ANKS3: variants seen among roughly 807,000 people sequenced by gnomAD.
ANKS3 encodes ankyrin repeat and sterile alpha motif domain containing 3.
In ANKS3, 62 loss-of-function variants were observed where a neutral mutation model predicts 80.7. The observed-to-expected ratio is 0.77, with a 90% CI of 0.63 to 0.95. The LOEUF (loss-of-function observed/expected upper bound fraction) is 0.95, where lower values mean the gene tolerates loss of function less well. ANKS3 is among the 40% of genes least tolerant of loss of function. The pLI, the probability that ANKS3 is intolerant of heterozygous loss-of-function variation, is 0.00. For missense variants in ANKS3, 1,150 were observed against 883.6 expected (o/e 1.30, Z -3.82); for synonymous variants, 489 against 355.3 (o/e 1.38, Z -4.23).
rs563316533 is a variant in ANKS3, at chr16:4,712,265, G to A, written c.709+1786C>T. Among the ~76,000 whole-genome samples the A allele has an allele frequency of 1.4e-4, 22 of 152,114 alleles. 1 individual carries two copies. In the South Asian group the frequency reaches 4.4e-3, roughly 30 times the overall value. On this transcript the variant is annotated intron_variant, in intron 7 of 17. Coordinates refer to ENST00000304283, the MANE Select transcript of ANKS3 (RefSeq NM_133450.4). ...GCACGCCTGTGATCCCAGCTACTCG[G>A]GAGGCTGAGGCAGAAGAATTGCTTG... is the stretch of plus-strand genomic sequence containing the variant.
intron 8 of ANKS3, among the ~76,000 whole-genome samples, chr16:4,702,655 T>C (rs751921817): frequency 6.6e-6 from 1 of 152,120 alleles, no homozygotes; most frequent in East Asian, 1.9e-4. Context: ...CACAGGCGCT[T>C]AGCGGGCCTC....
At chr16:4,721,273 C>G (rs1325630957) in intron 6 of ANKS3, among the ~76,000 whole-genome samples, 2 of 145,812 alleles carry the variant, frequency 1.4e-5, no homozygotes, top group African/African-American at 2.5e-5. Context: ...CCACTGCACT[C>G]TAGCCTGGGC....
intron 11 of ANKS3, 157 bp from the exon 12 acceptor site, chr16:4,699,333 G>A (rs767098892): frequency 9.7e-7 from 1 of 1,031,964 alleles, no homozygotes; most frequent in Non-Finnish European, 1.4e-6. Context: ...TGGTGGCTCA[G>A]GCAGGGCAGG....
intron 7 of ANKS3, among the ~76,000 whole-genome samples, chr16:4,707,838 C>G (rs904755272): frequency 2.0e-5 from 3 of 151,932 alleles, no homozygotes; most frequent in African/African-American, 7.2e-5. Flanking sequence ...GGGCCGGGCG[C>G]GGTGGCTCAC....
intron 9 of ANKS3, 83 bp downstream of exon 9, chr16:4,702,019 G>T: frequency 6.8e-7 from 1 of 1,462,382 alleles, no homozygotes; most frequent in Non-Finnish European, 9.1e-7. Flanking sequence ...CCAGCGCCAG[G>T]CCCAGGGGAT....
rs1283608424 is a variant in ANKS3, at chr16:4,701,417, A to G, written c.1119+17T>C. On this transcript the variant is annotated intron_variant, in intron 10 of 17. Transcript: ENST00000304283. ...CAGGGACCGGCTATGGGAGACCAAG[A>G]AAGAAAGAATCCGTACCTCGTTGCT... 9 of 1,580,000 alleles carry G rather than the reference A, an allele frequency of 5.7e-6. No individual in the cohort carries two copies. The highest frequency in any genetic ancestry group is 6.0e-6 in the Non-Finnish European group (7 of 1,160,298).
At chr16:4,702,075 G>T in intron 9 of ANKS3, 27 bp downstream of exon 9, 1 of 1,549,288 alleles carries the variant, frequency 6.5e-7, no homozygotes. Context: ...CCTGAGCCAC[G>T]GGCCGGATGG....
At chr16:4,699,490 C>T (rs1346593507) in intron 11 of ANKS3, 6 of 362,234 alleles carry the variant, frequency 1.7e-5, no homozygotes, top group African/African-American at 4.1e-5. Flanking sequence ...GCTTTGTAGG[C>T]GGAGAGCGCT....
chr16:4,715,542 G>A (rs2080750926), intron 6 of ANKS3, among the ~76,000 whole-genome samples: 1 of 152,176 alleles, frequency 6.6e-6, no homozygotes, highest in Non-Finnish European at 1.5e-5. Flanking sequence ...GCTGCAGCGA[G>A]CTGAGATCGC....
intron 7 of ANKS3, among the ~76,000 whole-genome samples, chr16:4,711,737 A>AGGGG (rs1555470471): frequency 2.4e-4 from 36 of 150,120 alleles, no homozygotes; most frequent in African/African-American, 8.3e-4. Context: ...AAAAAAAAAA[A>AGGGG]GGGAGAAAAT....
intron 6 of ANKS3, chr16:4,714,428 C>T (rs915507905): frequency 9.9e-5 from 55 of 556,162 alleles, no homozygotes; most frequent in African/African-American, 9.3e-4. Context: ...ATCTCCCACG[C>T]TCATGACCTC....
intron 7 of ANKS3, among the ~76,000 whole-genome samples, chr16:4,707,905 C>G (rs141178819): frequency 0.021 from 3,125 of 151,944 alleles, 53 homozygotes; most frequent in Non-Finnish European, 0.03. Flanking sequence ...GAGGTCAGGA[C>G]TTCAAGACCA....
intron 6 of ANKS3, among the ~76,000 whole-genome samples, chr16:4,721,633 T>TTG (rs2081103943): frequency 3.4e-5 from 2 of 58,644 alleles, no homozygotes; most frequent in South Asian, 7.1e-4. Flanking sequence ...TTGATTTATT[T>TTG]ATTTATTTAT....
chr16:4,726,812 C>G (rs1451075878), intron 4 of ANKS3, 32 bp from the exon 5 acceptor site: 1 of 1,606,554 alleles, frequency 6.2e-7, no homozygotes, highest in Non-Finnish European at 8.5e-7. Context: ...GCGTTACGGC[C>G]TCATCTCCTC....
At chr16:4,725,679 C>CA (rs1322557664) in intron 5 of ANKS3, among the ~76,000 whole-genome samples, 1 of 152,180 alleles carries the variant, frequency 6.6e-6, no homozygotes, top group Non-Finnish European at 1.5e-5. Flanking sequence ...GTTTTTGAGA[C>CA]AGAGTTTTGC....
Position 4,724,783 on chromosome 16 carries a change from G to A in ANKS3, c.540C>T (p.Gly180=). The A allele has an allele frequency of 6.2e-7, 1 of 1,614,046 alleles. No homozygotes were observed. Among genetic ancestry groups the A allele is most frequent in the Non-Finnish European group, 8.5e-7 (1 of 1,179,984 alleles). The stretch of plus-strand genomic sequence containing the variant: ...GAAAATACTGCACGATTATCTCATG[G>A]CCAGCAGCAGCTGCTTCCATCAAGG... ...FTPLMEAAAA[G]HEIIVQYFLN... The change falls in exon 6 of 18, where the codon GGC becomes GGT. Residue 180 remains glycine, a synonymous_variant. Transcript: ENST00000304283.
chr16:4,716,597 A>G (rs1486298147), intron 6 of ANKS3, among the ~76,000 whole-genome samples: 1 of 152,070 alleles, frequency 6.6e-6, no homozygotes, highest in Admixed American at 6.6e-5. Context: ...CTGATTAAAA[A>G]TTACCTATGA....
intron 6 of ANKS3, among the ~76,000 whole-genome samples, chr16:4,722,493 T>C (rs969102447): frequency 5.3e-5 from 8 of 150,978 alleles, no homozygotes; most frequent in African/African-American, 2.0e-4. Context: ...GGACAATCTC[T>C]TAAACCTGGG....
At chr16:4,701,628 CA>C in intron 9 of ANKS3, 85 bp from the exon 10 acceptor site, 1 of 1,198,598 alleles carries the variant, frequency 8.3e-7, no homozygotes, top group Non-Finnish European at 1.2e-6. Flanking sequence ...CCGCCTCCAC[CA>C]GGGCACTCCT....
Sources: allele counts gnomAD v4.1 joint callset (sites outside exome capture counted in the v4.1 genomes callset), GRCh38; gene constraint gnomAD v4.1.1; transcripts MANE v1.5; gene names NCBI Gene and HGNC (gene_info 2026-07-23, HGNC 2026-07-21).